PDE10A: variants seen among roughly 807,000 people sequenced by gnomAD.
PDE10A encodes phosphodiesterase 10A.
Under a neutral mutation model 97.7 loss-of-function variants are expected in PDE10A, and 39 were observed. The observed-to-expected ratio is 0.40, with a 90% CI of 0.31 to 0.52. The LOEUF (loss-of-function observed/expected upper bound fraction) is 0.52, where lower values mean the gene tolerates loss of function less well. Ranked by LOEUF, PDE10A falls within the 20% of genes least tolerant of loss-of-function variation. PDE10A has a pLI of 0.56. For missense variants in PDE10A, 731 were observed against 1,047.8 expected, an observed-to-expected ratio of 0.70 and a Z score of 4.17; for synonymous variants, 371 against 376.8, an observed-to-expected ratio of 0.98 and a Z score of 0.18.
At chr6:165,348,462 A>G (rs534202904) in intron 18 of PDE10A, among the ~76,000 whole-genome samples, 2 of 152,360 alleles carry the variant, frequency 1.3e-5, no homozygotes, top group Admixed American at 1.3e-4. Context: ...ACAAAAAACA[A>G]TAATTCTACT....
intron 1 of PDE10A, among the ~76,000 whole-genome samples, chr6:165,882,058 C>T (rs956896093): frequency 1.2e-4 from 19 of 152,162 alleles, no homozygotes; most frequent in Admixed American, 6.5e-4. Context: ...AGACACCAGT[C>T]ACGTAGAAAT....
At chr6:165,352,702 A>G (rs966515991) in intron 18 of PDE10A, among the ~76,000 whole-genome samples, 21 of 152,168 alleles carry the variant, frequency 1.4e-4, no homozygotes. Context: ...TAGAAAACTT[A>G]ATTCAAAATG....
rs956942637 is a variant in PDE10A at position 165,329,113 on chromosome 6, T to C, written c.*3912A>G. 6.6e-6 allele frequency: 1 copy of C among 152,178 alleles called. No individual in the cohort carries two copies. The highest frequency in any genetic ancestry group is 2.4e-5 in the African/African-American group (1 of 41,442). 9.4% of individuals were successfully genotyped at this position (152,178 alleles called of 1,614,324 possible). On this transcript the variant is annotated 3_prime_UTR_variant, in exon 22 of 22. Transcript: ENST00000539869. ...AATCCTAAATAAAATCTGCAAAGTG[T>C]AGAAAGCAAACATATGTTCGAAATA...
At chr6:165,709,258 A>C (rs1582970257) in intron 1 of PDE10A, among the ~76,000 whole-genome samples, 9 of 52,870 alleles carry the variant, frequency 1.7e-4, no homozygotes, top group South Asian at 7.0e-4. Flanking sequence ...CCCACTCTCC[A>C]TCCCCATGCT....
intron 1 of PDE10A, among the ~76,000 whole-genome samples, chr6:165,706,848 A>T (rs1791722451): frequency 1.3e-5 from 2 of 152,330 alleles, no homozygotes; most frequent in South Asian, 4.1e-4. Flanking sequence ...AAAGATTTTA[A>T]AAAAAGGAAC....
At chr6:165,794,200 TCA>T (rs552233415) in intron 1 of PDE10A, among the ~76,000 whole-genome samples, 21 of 136,662 alleles carry the variant, frequency 1.5e-4, no homozygotes, top group Middle Eastern at 4.5e-3. Flanking sequence ...GCACTCACGC[TCA>T]CACACACTCA....
At chr6:165,480,664 G>A (rs1339536242) in intron 3 of PDE10A, among the ~76,000 whole-genome samples, 8 of 152,164 alleles carry the variant, frequency 5.3e-5, no homozygotes, top group South Asian at 2.1e-4. Context: ...GCCTGAGAGT[G>A]TAACCAGCAC....
chr6:165,608,059 T>C (rs148583615), intron 1 of PDE10A, among the ~76,000 whole-genome samples: 20 of 147,830 alleles, frequency 1.4e-4, no homozygotes, highest in African/African-American at 2.3e-4. Context: ...CTTGTATATA[T>C]ATGTATATAT....
intron 18 of PDE10A, among the ~76,000 whole-genome samples, chr6:165,352,713 G>T (rs1782771278): frequency 6.7e-6 from 1 of 149,546 alleles, no homozygotes; most frequent in Non-Finnish European, 1.5e-5. Flanking sequence ...ATTCAAAATG[G>T]ATCACAACCT....
chr6:165,693,006 C>A (rs1298506186), intron 1 of PDE10A, among the ~76,000 whole-genome samples: 3 of 152,120 alleles, frequency 2.0e-5, no homozygotes, highest in Non-Finnish European at 4.4e-5. Context: ...TAGAATCAGT[C>A]TGGATAACCA....
At chr6:165,424,264 A>G (rs1212920169) in intron 10 of PDE10A, among the ~76,000 whole-genome samples, 1 of 152,182 alleles carries the variant, frequency 6.6e-6, no homozygotes, top group Non-Finnish European at 1.5e-5. Context: ...GACTCTGACT[A>G]GTTTCATAGT....
intron 1 of PDE10A, among the ~76,000 whole-genome samples, chr6:165,680,653 C>G (rs984531291): frequency 4.6e-5 from 7 of 152,190 alleles, no homozygotes; most frequent in African/African-American, 1.4e-4. Flanking sequence ...TCTGTAATCC[C>G]AGCACTTTGG....
chr6:165,677,869 T>C (rs552752734), intron 1 of PDE10A, among the ~76,000 whole-genome samples: 130 of 152,212 alleles, frequency 8.5e-4, no homozygotes, highest in African/African-American at 3.0e-3. Flanking sequence ...TATGTGTATG[T>C]TTGTGTTTGA....
At chr6:165,342,367 T>A (rs1333268421) in intron 19 of PDE10A, among the ~76,000 whole-genome samples, 1 of 152,232 alleles carries the variant, frequency 6.6e-6, no homozygotes, top group Non-Finnish European at 1.5e-5. Flanking sequence ...GTAACTAGGT[T>A]CTGACACATA....
At chr6:165,427,086 C>CA (rs1371127945) in intron 10 of PDE10A, among the ~76,000 whole-genome samples, 5 of 152,072 alleles carry the variant, frequency 3.3e-5, no homozygotes, top group African/African-American at 1.2e-4. Flanking sequence ...AGAACTACTA[C>CA]ATGACCCAGC....
At chr6:165,760,218 T>C (rs1488905569) in intron 1 of PDE10A, among the ~76,000 whole-genome samples, 1 of 152,196 alleles carries the variant, frequency 6.6e-6, no homozygotes, top group African/African-American at 2.4e-5. Context: ...AGGTTTTTCA[T>C]CTTAATTACA....
At chr6:165,617,028 A>G (rs1186622938) in intron 1 of PDE10A, among the ~76,000 whole-genome samples, 2 of 152,230 alleles carry the variant, frequency 1.3e-5, no homozygotes, top group Non-Finnish European at 2.9e-5. Flanking sequence ...ATACATCTTA[A>G]TACTAGAGAT....
intron 1 of PDE10A, chr6:165,987,466 T>C (rs987677372): frequency 1.2e-5 from 4 of 343,482 alleles, no homozygotes; most frequent in African/African-American, 6.5e-5. Flanking sequence ...CACACAAAGA[T>C]TGGGACTAAG....
chr6:165,649,132 G>A (rs62424891), intron 1 of PDE10A, among the ~76,000 whole-genome samples: 20,997 of 152,212 alleles, frequency 0.14, 1,933 homozygotes, highest in Non-Finnish European at 0.2. Flanking sequence ...GAGATCTCAC[G>A]AGGAGCTTGC....
Sources: allele counts gnomAD v4.1 joint callset (sites outside exome capture counted in the v4.1 genomes callset), GRCh38; gene constraint gnomAD v4.1.1; transcripts MANE v1.5; gene names NCBI Gene and HGNC (gene_info 2026-07-23, HGNC 2026-07-21).